The following PPP1R9A variants were observed in gnomAD, a reference collection of about 807,000 sequenced individuals.
PPP1R9A encodes protein phosphatase 1 regulatory subunit 9A, also known as neurabin-1.
Under a neutral mutation model 141.9 loss-of-function variants are expected in PPP1R9A, and 59 were observed. That is an observed-to-expected ratio of 0.42 (90% CI 0.34 to 0.52). The LOEUF (loss-of-function observed/expected upper bound fraction) is 0.52. PPP1R9A is among the 20% of genes least tolerant of loss of function. The pLI, the probability that PPP1R9A is intolerant of heterozygous loss-of-function variation, is 0.10. For missense variants in PPP1R9A, 1,444 were observed against 1,611.9 expected, an observed-to-expected ratio of 0.90 and a Z score of 1.78; for synonymous variants, 500 against 569.7, an observed-to-expected ratio of 0.88 and a Z score of 1.74.
intron 2 of PPP1R9A, among the ~76,000 whole-genome samples, chr7:95,043,304 GT>G (rs1415671779): frequency 1.3e-5 from 2 of 152,148 alleles, no homozygotes; most frequent in Admixed American, 6.5e-5. Context: ...GAATAACTGT[GT>G]GAGAAAAAAC....
chr7:95,210,337 A>G (rs977845285), intron 7 of PPP1R9A, among the ~76,000 whole-genome samples: 7 of 152,128 alleles, frequency 4.6e-5, no homozygotes, highest in African/African-American at 1.4e-4. Flanking sequence ...AATCATCACA[A>G]TTTTAAGGCA....
At chr7:95,165,451 C>G (rs1469501415) in intron 5 of PPP1R9A, among the ~76,000 whole-genome samples, 1 of 152,166 alleles carries the variant, frequency 6.6e-6, no homozygotes, top group Non-Finnish European at 1.5e-5. Flanking sequence ...GGGGAGGCAC[C>G]TTTGAAGATC....
At chr7:95,006,290 T>C (rs1218464139) in intron 2 of PPP1R9A, among the ~76,000 whole-genome samples, 2 of 152,046 alleles carry the variant, frequency 1.3e-5, no homozygotes, top group Non-Finnish European at 2.9e-5. Flanking sequence ...CAATCTCCGC[T>C]CACTATAACC....
At chr7:94,982,746 T>C (rs577884196) in intron 2 of PPP1R9A, among the ~76,000 whole-genome samples, 3,773 of 152,032 alleles carry the variant, frequency 0.025, 167 homozygotes, top group African/African-American at 0.086. Context: ...GATGAGTAGA[T>C]TGCAAAAATT....
In PPP1R9A at chr7:94,975,118, A is replaced by G. The variant is rs74657407; in HGVS notation, c.1395+63610A>G. On this transcript the variant is annotated intron_variant, in intron 2 of 19. Coordinates refer to ENST00000433360, the MANE Select transcript of PPP1R9A (RefSeq NM_001166160.2). ...ATTTGGAAAAAAAATACTGTGTTGC[A>G]GTCTTTAGAAGAATCTTAGTATATA... is the stretch of plus-strand genomic sequence containing the variant. Among the ~76,000 whole-genome samples the G allele has an allele frequency of 3.3e-5, 5 of 152,292 alleles. No individual in the cohort carries two copies. The East Asian group carries it at 9.6e-4, about 29-fold the overall frequency.
intron 2 of PPP1R9A, among the ~76,000 whole-genome samples, chr7:94,934,847 T>C (rs554505810): frequency 2.7e-4 from 39 of 144,394 alleles, no homozygotes; most frequent in East Asian, 1.0e-3. Context: ...TACGTATACA[T>C]ACACACACAC....
chr7:95,044,174 G>A (rs2151933706), intron 2 of PPP1R9A, among the ~76,000 whole-genome samples: 1 of 152,272 alleles, frequency 6.6e-6, no homozygotes, highest in African/African-American at 2.4e-5. Flanking sequence ...GTCTGCCAGT[G>A]GCTGTTCTAA....
intron 12 of PPP1R9A, among the ~76,000 whole-genome samples, chr7:95,255,871 G>A (rs1799512759): frequency 6.6e-6 from 1 of 152,094 alleles, no homozygotes; most frequent in Non-Finnish European, 1.5e-5. Context: ...AATCTTGTAA[G>A]CATTGTGACC....
At chr7:95,135,525 C>A (rs1046416251) in intron 4 of PPP1R9A, among the ~76,000 whole-genome samples, 1 of 151,922 alleles carries the variant, frequency 6.6e-6, no homozygotes, top group Non-Finnish European at 1.5e-5. Flanking sequence ...TTATTTTTGC[C>A]CATTAAGGCA....
At chr7:95,023,281 A>G (rs532956463) in intron 2 of PPP1R9A, among the ~76,000 whole-genome samples, 15 of 152,244 alleles carry the variant, frequency 9.9e-5, no homozygotes, top group Middle Eastern at 3.4e-3. Context: ...TGTTTATAGT[A>G]TTCTCTGATG....
At chr7:95,060,881 T>C (rs1227678954) in intron 2 of PPP1R9A, among the ~76,000 whole-genome samples, 1 of 152,228 alleles carries the variant, frequency 6.6e-6, no homozygotes, top group African/African-American at 2.4e-5. Context: ...AGACAAGGCC[T>C]CTGGAATGAA....
Position 95,234,923 on chromosome 7 carries a change from A to T in PPP1R9A, c.2112+8807A>T, listed in dbSNP as rs550566743. Among the ~76,000 whole-genome samples the T allele has an allele frequency of 5.9e-5, 9 of 152,286 alleles. No individual in the cohort carries two copies. The South Asian group carries it at 1.9e-3, about 32-fold the overall frequency. ...CAAAAACATGAAGTGGGGAAAGGAC[A>T]CATTACTAACAAATGGTGCTGGGAC... On this transcript the variant is annotated intron_variant, in intron 8 of 19. Coordinates refer to ENST00000433360, the MANE Select transcript of PPP1R9A (RefSeq NM_001166160.2).
chr7:95,236,924 A>G (rs1271917477), intron 8 of PPP1R9A, among the ~76,000 whole-genome samples: 1 of 151,488 alleles, frequency 6.6e-6, no homozygotes, highest in Non-Finnish European at 1.5e-5. Context: ...AAAGAATGAT[A>G]TAGTGTTTTT....
intron 2 of PPP1R9A, among the ~76,000 whole-genome samples, chr7:94,921,471 T>C (rs965485640): frequency 2.6e-5 from 4 of 151,636 alleles, no homozygotes; most frequent in Admixed American, 1.3e-4. Flanking sequence ...AGATCTGTTT[T>C]TGAGTAGTGT....
Position 95,217,261 on chromosome 7 carries a change from G to A in PPP1R9A, c.1957-8700G>A, listed in dbSNP as rs1793602826. On this transcript the variant is annotated intron_variant, in intron 7 of 19. Transcript: ENST00000433360. ...TTGTCTTTGGTTCTGTTTACATGCT[G>A]GATTACGTTTATTGATTTGCGTGTG... Among the ~76,000 whole-genome samples, 3 of 152,242 alleles carry A rather than the reference G, an allele frequency of 2.0e-5. No homozygotes were observed. In the South Asian group the frequency reaches 6.2e-4, roughly 32 times the overall value.
intron 5 of PPP1R9A, among the ~76,000 whole-genome samples, chr7:95,187,653 T>C (rs2152818590): frequency 6.6e-6 from 1 of 152,302 alleles, no homozygotes; most frequent in East Asian, 1.9e-4. Flanking sequence ...CTATGAACTT[T>C]CCTCCTAGCA....
chr7:95,139,390 A>G (rs1375304763), intron 4 of PPP1R9A, among the ~76,000 whole-genome samples: 2 of 152,146 alleles, frequency 1.3e-5, no homozygotes, highest in African/African-American at 4.8e-5. Context: ...CCCTCCCACA[A>G]CATGTGAGGA....
At chr7:95,271,871 A>T (rs560707541) in intron 14 of PPP1R9A, among the ~76,000 whole-genome samples, 8 of 152,326 alleles carry the variant, frequency 5.3e-5, no homozygotes, top group Non-Finnish European at 1.2e-4. Context: ...TCCTGAAATC[A>T]TACCAATCTA....
chr7:95,159,876 A>T (rs937267699), intron 4 of PPP1R9A, among the ~76,000 whole-genome samples: 1 of 150,946 alleles, frequency 6.6e-6, no homozygotes, highest in African/African-American at 2.4e-5. Context: ...TAGTGAGCCA[A>T]GATCACACCA....
Sources: gnomAD v4.1 joint callset for allele counts (sites outside exome capture counted in the v4.1 genomes callset) on GRCh38, gnomAD v4.1.1 for gene constraint, MANE v1.5 for transcripts, NCBI Gene and HGNC (gene_info 2026-07-23, HGNC 2026-07-21) for gene names.